Variants in ATP2C2 observed in about 807,000 individuals in gnomAD.
The protein encoded by ATP2C2 is calcium-transporting ATPase type 2C member 2.
In ATP2C2, 171 loss-of-function variants were observed where a neutral mutation model predicts 110.8. The ratio of observed to expected loss-of-function variants is 1.54; its 90% confidence interval spans 1.36 to 1.75. ATP2C2 has a LOEUF of 1.75. Among genes scored for constraint, ATP2C2 ranks in the 40% most tolerant of loss-of-function variants. The pLI, the probability that ATP2C2 is intolerant of heterozygous loss-of-function variation, is 0.00. For synonymous variants in ATP2C2, 804 were observed against 508.4 expected (o/e 1.58, Z -7.82); for missense variants, 1,963 against 1,235.0 (o/e 1.59, Z -8.84).
intron 1 of ATP2C2, among the ~76,000 whole-genome samples, chr16:84,388,185 C>G (rs1904428841): frequency 6.6e-6 from 1 of 152,148 alleles, no homozygotes; most frequent in Admixed American, 6.5e-5. Flanking sequence ...ATTAGCTGGG[C>G]ATGGTGGCAG....
chr16:84,399,968 T>G (rs1046152038), intron 2 of ATP2C2, among the ~76,000 whole-genome samples: 1 of 152,198 alleles, frequency 6.6e-6, no homozygotes, highest in Non-Finnish European at 1.5e-5. Context: ...TTCAGTTATT[T>G]TAATTTTTAG....
chr16:84,379,677 G>GTGAT (rs1436825107), intron 1 of ATP2C2, among the ~76,000 whole-genome samples: 6 of 152,232 alleles, frequency 3.9e-5, no homozygotes, highest in African/African-American at 1.4e-4. Flanking sequence ...GCTGCTCTGG[G>GTGAT]TGATTAGCTT....
At chr16:84,409,470 G>T (rs1906075985) in intron 4 of ATP2C2, among the ~76,000 whole-genome samples, 3 of 152,090 alleles carry the variant, frequency 2.0e-5, no homozygotes. Context: ...AATGGATTCA[G>T]ACAATACATG....
chr16:84,372,277 A>C (rs1019881473), intron 1 of ATP2C2, among the ~76,000 whole-genome samples: 3 of 152,120 alleles, frequency 2.0e-5, no homozygotes, highest in Admixed American at 2.0e-4. Flanking sequence ...TTTTTAAGAG[A>C]TTACACTCAG....
At chr16:84,399,952 C>T (rs1448514143) in intron 2 of ATP2C2, among the ~76,000 whole-genome samples, 2 of 152,178 alleles carry the variant, frequency 1.3e-5, no homozygotes, top group Non-Finnish European at 2.9e-5. Flanking sequence ...CTACTATCTC[C>T]ATGAGTTCAG....
chr16:84,370,312 T>C (rs1909877657), intron 1 of ATP2C2, among the ~76,000 whole-genome samples: 1 of 152,228 alleles, frequency 6.6e-6, no homozygotes, highest in Non-Finnish European at 1.5e-5. Context: ...CTCAGCAGCA[T>C]CCTGAGGCCC....
In ATP2C2 at chr16:84,463,675, ATG is replaced by A. The variant is rs777258786; in HGVS notation, c.2787_2788del (p.Cys929Ter). The A allele has an allele frequency of 6.2e-6, 10 of 1,614,086 alleles. No homozygotes were observed. In the South Asian group the frequency reaches 9.9e-5, roughly 16 times the overall value. On this transcript the variant is annotated frameshift_variant, in exon 27 of 27. Coordinates refer to ENST00000262429, the MANE Select transcript of ATP2C2 (RefSeq NM_014861.4). LOFTEE classifies it low-confidence loss of function (END_TRUNC). ...TCATTTTGTCAGAGCTCCTCAAACT[ATG>A]TGAAAAATACTGTTGCAGCCCCAAG... ...VFILSELLKL[C>X]EKYCCSPKRV...
chr16:84,452,494 T>C (rs1226347866), intron 18 of ATP2C2, among the ~76,000 whole-genome samples: 1 of 116,074 alleles, frequency 8.6e-6, no homozygotes, highest in African/African-American at 3.3e-5. Flanking sequence ...TCTCCTCTAG[T>C]TACTTTTTTT....
intron 11 of ATP2C2, among the ~76,000 whole-genome samples, chr16:84,434,501 A>G (rs1372441768): frequency 6.6e-6 from 1 of 151,744 alleles, no homozygotes; most frequent in Non-Finnish European, 1.5e-5. Flanking sequence ...TTCCTGGTCC[A>G]TTCTAATCAA....
Position 84,463,675 on chromosome 16 carries a change from A to G in ATP2C2, c.2784A>G (p.Leu928=), listed in dbSNP as rs779805580. Residue 928 remains leucine (L), a synonymous_variant, in exon 27 of 27, where the codon CTA becomes CTG. Transcript: ENST00000262429. ...SVFILSELLK[L]CEKYCCSPKR... The stretch of plus-strand genomic sequence containing the variant: ...TCATTTTGTCAGAGCTCCTCAAACT[A>G]TGTGAAAAATACTGTTGCAGCCCCA... The G allele has an allele frequency of 6.2e-6, 10 of 1,614,086 alleles. No individual in the cohort carries two copies. In the South Asian group the frequency reaches 7.7e-5, roughly 12 times the overall value.
intron 2 of ATP2C2, among the ~76,000 whole-genome samples, chr16:84,403,087 C>G (rs1006214071): frequency 6.6e-6 from 1 of 152,090 alleles, no homozygotes; most frequent in Non-Finnish European, 1.5e-5. Flanking sequence ...CTCCTGGTAG[C>G]CACTAATGGC....
rs573137272 is a variant in ATP2C2 at position 84,398,125 on chromosome 16, G to A, written c.100-374G>A. Among the ~76,000 whole-genome samples the A allele has an allele frequency of 4.6e-5, 7 of 151,932 alleles. No homozygotes were observed. In the East Asian group the frequency reaches 5.8e-4, roughly 13 times the overall value. On this transcript the variant is annotated intron_variant, in intron 1 of 26. Coordinates refer to ENST00000262429, the MANE Select transcript of ATP2C2 (RefSeq NM_014861.4). ...TGCTTTAAAAAAAACACATGTGGCC[G>A]GGCGCAGTGGCTCCACCTTTAATCC...
At chr16:84,405,409 C>T (rs1905675676) in intron 3 of ATP2C2, among the ~76,000 whole-genome samples, 165 bp downstream of exon 3, 1 of 152,110 alleles carries the variant, frequency 6.6e-6, no homozygotes, top group Non-Finnish European at 1.5e-5. Context: ...TCACCAACTC[C>T]CAGGCAACCG....
chr16:84,393,446 T>A (rs1041490873), intron 1 of ATP2C2, among the ~76,000 whole-genome samples: 2 of 151,760 alleles, frequency 1.3e-5, no homozygotes, highest in Non-Finnish European at 2.9e-5. Flanking sequence ...TCACTTACAA[T>A]GTATTGGGTC....
chr16:84,426,109 C>T, intron 11 of ATP2C2: 1 of 345,542 alleles, frequency 2.9e-6, no homozygotes, highest in Non-Finnish European at 5.5e-6. Flanking sequence ...TTTAATTGGC[C>T]TATGGTTCTA....
At position 84,410,954 on chromosome 16, in the gene ATP2C2, A is replaced by C. The variant is rs141493368; in HGVS notation, c.515+189A>C. ...TGTGTGTCCTCGGGCATGTCACTCA[A>C]CCTCTCTGGGCCTCAGCTCCATCAT... is the stretch of plus-strand genomic sequence containing the variant. On this transcript the variant is annotated intron_variant, in intron 6 of 26. Transcript: ENST00000262429. The C allele has an allele frequency of 2.9e-3, 1,810 of 623,248 alleles. 17 individuals carry two copies. The highest frequency in any genetic ancestry group is 0.024 in the African/African-American group (1,339 of 54,698). 38.6% of individuals were successfully genotyped at this position (623,248 alleles called of 1,614,324 possible). A position where few individuals can be genotyped will look rare whatever the true frequency, so the allele number is the denominator to read the frequency against.
At chr16:84,399,074 G>T (rs1262982990) in intron 2 of ATP2C2, among the ~76,000 whole-genome samples, 1 of 152,200 alleles carries the variant, frequency 6.6e-6, no homozygotes, top group Non-Finnish European at 1.5e-5. Flanking sequence ...ATTCTCCCAA[G>T]TTTCTCAAGT....
chr16:84,414,800 C>G (rs1174883089), intron 6 of ATP2C2, among the ~76,000 whole-genome samples: 1 of 152,080 alleles, frequency 6.6e-6, no homozygotes, highest in Non-Finnish European at 1.5e-5. Context: ...GGCTGGCTGG[C>G]CGTGGAGGAG....
At chr16:84,417,745 G>A (rs1294716950) in intron 7 of ATP2C2, among the ~76,000 whole-genome samples, 2 of 152,204 alleles carry the variant, frequency 1.3e-5, no homozygotes, top group Admixed American at 6.5e-5. Context: ...TATTGTACCT[G>A]TGTATTGATA....
Sources: allele counts gnomAD v4.1 joint callset (sites outside exome capture counted in the v4.1 genomes callset), GRCh38; gene constraint gnomAD v4.1.1; transcripts MANE v1.5; gene names NCBI Gene and HGNC (gene_info 2026-07-23, HGNC 2026-07-21).